XPR1: variants seen among roughly 807,000 people sequenced by gnomAD.
XPR1 encodes solute carrier family 53 member 1.
A neutral mutation model predicts 87.5 loss-of-function variants in XPR1; 28 were observed. The observed-to-expected ratio is 0.32, with a 90% CI of 0.24 to 0.44. The LOEUF is 0.44. Ranked by LOEUF, XPR1 falls within the 20% of genes least tolerant of loss-of-function variation. The pLI, the probability that XPR1 is intolerant of heterozygous loss-of-function variation, is 1.00. For synonymous variants in XPR1, 300 were observed against 306.1 expected, an observed-to-expected ratio of 0.98 and a Z score of 0.21; for missense variants, 559 against 862.3, an observed-to-expected ratio of 0.65 and a Z score of 4.41.
chr1:180,796,982 C>T (rs1171829665), intron 3 of XPR1, among the ~76,000 whole-genome samples: 2 of 152,084 alleles, frequency 1.3e-5, no homozygotes, highest in African/African-American at 4.8e-5. Flanking sequence ...AGACAGAATA[C>T]AGATCAGTGT....
intron 2 of XPR1, among the ~76,000 whole-genome samples, chr1:180,734,671 G>C (rs900079431): frequency 6.6e-6 from 1 of 152,198 alleles, no homozygotes; most frequent in Non-Finnish European, 1.5e-5. Flanking sequence ...CAGATCTTCA[G>C]TATGGCGTAT....
At chr1:180,847,407 A>G (rs1041750869) in intron 11 of XPR1, among the ~76,000 whole-genome samples, 1 of 152,218 alleles carries the variant, frequency 6.6e-6, no homozygotes, top group African/African-American at 2.4e-5. Flanking sequence ...CATCTTAGTG[A>G]AAGGCACGTT....
intron 9 of XPR1, among the ~76,000 whole-genome samples, chr1:180,832,692 T>A (rs1480328313): frequency 1.3e-5 from 2 of 152,182 alleles, no homozygotes; most frequent in African/African-American, 4.8e-5. Flanking sequence ...AAAGATCAAA[T>A]GGTTGTGGAC....
chr1:180,802,011 G>T (rs927651603), intron 3 of XPR1, among the ~76,000 whole-genome samples: 3 of 151,924 alleles, frequency 2.0e-5, no homozygotes, highest in African/African-American at 7.3e-5. Flanking sequence ...GGCCAGGCTG[G>T]TCTCGAAATC....
intron 2 of XPR1, among the ~76,000 whole-genome samples, chr1:180,746,605 C>T (rs1475904416): frequency 2.0e-5 from 3 of 151,998 alleles, no homozygotes; most frequent in Non-Finnish European, 4.4e-5. Context: ...GATATAATGA[C>T]TTCCTTTGGG....
In XPR1 at chr1:180,632,232, A is replaced by G; in HGVS notation, c.31A>G (p.Ile11Val). The G allele has an allele frequency of 6.2e-7, 1 of 1,612,060 alleles. No homozygotes were observed. The highest frequency in any genetic ancestry group is 1.1e-5 in the South Asian group (1 of 90,744). ...GTTCGCCGAGCACCTCTCCGCGCAC[A>G]TCACTCCCGAGTGGAGGAAGCAATA... MKFAEHLSAH[I>V]TPEWRKQYIQ... The change falls in exon 1 of 15, where the codon ATC becomes GTC. Residue 11 changes from isoleucine to valine, a missense_variant. By Grantham distance (29) the Ile-to-Val change is conservative (BLOSUM62 3). Around this residue, in one of 7 missense-constraint regions of XPR1, gnomAD observed 159 missense variants for 263.3 expected, o/e 0.60. Transcript: ENST00000367590.
At chr1:180,657,693 C>T (rs1053810070) in intron 1 of XPR1, among the ~76,000 whole-genome samples, 2 of 152,122 alleles carry the variant, frequency 1.3e-5, no homozygotes, top group Non-Finnish European at 1.5e-5. Flanking sequence ...GTCACTATAG[C>T]TCTGTAGTAT....
chr1:180,640,311 T>C (rs1488106098), intron 1 of XPR1, among the ~76,000 whole-genome samples: 2 of 152,200 alleles, frequency 1.3e-5, no homozygotes, highest in African/African-American at 4.8e-5. Flanking sequence ...GCGCTTACTG[T>C]ATCAGGCACT....
intron 3 of XPR1, among the ~76,000 whole-genome samples, chr1:180,791,146 A>G (rs999507614): frequency 6.6e-6 from 1 of 152,226 alleles, no homozygotes; most frequent in Non-Finnish European, 1.5e-5. Context: ...TTTTACTATG[A>G]CATTTTTTGA....
At chr1:180,733,835 A>G (rs946427442) in intron 2 of XPR1, among the ~76,000 whole-genome samples, 5 of 152,208 alleles carry the variant, frequency 3.3e-5, no homozygotes, top group Non-Finnish European at 2.9e-5. Context: ...CCAGAAAAAG[A>G]TGTTTTTGAG....
chr1:180,818,539 A>T (rs1558023447), intron 7 of XPR1, among the ~76,000 whole-genome samples: 1 of 152,182 alleles, frequency 6.6e-6, no homozygotes, highest in African/African-American at 2.4e-5. Context: ...GAAATTATGC[A>T]TGAAAAACAT....
At chr1:180,704,276 A>ATATATATATATATATATATATT (rs1557965447) in intron 2 of XPR1, among the ~76,000 whole-genome samples, 1 of 141,350 alleles carries the variant, frequency 7.1e-6, no homozygotes, top group South Asian at 2.2e-4. Context: ...ATATATATAT[A>ATATATATATATATATATATATT]TTATCAGATT....
intron 3 of XPR1, among the ~76,000 whole-genome samples, chr1:180,794,784 A>G (rs566785644): frequency 1.3e-4 from 20 of 152,354 alleles, no homozygotes; most frequent in African/African-American, 4.3e-4. Flanking sequence ...CAGTGGTGTT[A>G]AAGTACATGA....
chr1:180,695,408 T>TTGTGTGTGTGTGTGTGTGTGTG (rs1205037869), intron 2 of XPR1, among the ~76,000 whole-genome samples: 6 of 148,436 alleles, frequency 4.0e-5, no homozygotes, highest in Non-Finnish European at 8.9e-5. Context: ...GTAGTCCCAT[T>TTGTGTGTGTGTGTGTGTGTGTG]TGTGTGTGTG....
Position 180,710,820 on chromosome 1 carries a change from G to A in XPR1, c.121+28409G>A, listed in dbSNP as rs569296623. Among the ~76,000 whole-genome samples the A allele has an allele frequency of 1.5e-4, 22 of 150,116 alleles. No individual in the cohort carries two copies. The East Asian group carries it at 3.7e-3, about 25-fold the overall frequency. On this transcript the variant is annotated intron_variant, in intron 2 of 14. Coordinates refer to ENST00000367590, the MANE Select transcript of XPR1 (RefSeq NM_004736.4). ...CACCTCCCGGATGGGGCGGCTGGCT[G>A]GGCGGGGGCTGCCCCCCACCTCCCT...
intron 1 of XPR1, among the ~76,000 whole-genome samples, chr1:180,656,679 TTATA>T (rs1655542738): frequency 8.1e-6 from 1 of 123,438 alleles, no homozygotes. Flanking sequence ...TTATATATAA[TTATA>T]TAATATATAT....
intron 14 of XPR1, among the ~76,000 whole-genome samples, chr1:180,880,514 A>G (rs987009190): frequency 1.3e-5 from 2 of 152,250 alleles, no homozygotes; most frequent in African/African-American, 4.8e-5. Context: ...TGCATAACCT[A>G]GTAATTTGGC....
intron 2 of XPR1, among the ~76,000 whole-genome samples, chr1:180,683,714 C>T (rs1417336524): frequency 2.0e-5 from 3 of 152,070 alleles, no homozygotes; most frequent in Admixed American, 1.3e-4. Flanking sequence ...CTCTGATGGC[C>T]AGTGATGATG....
At chr1:180,639,922 C>A (rs1654913369) in intron 1 of XPR1, among the ~76,000 whole-genome samples, 2 of 152,176 alleles carry the variant, frequency 1.3e-5, no homozygotes, top group African/African-American at 4.8e-5. Flanking sequence ...GTTGGCTTCC[C>A]TGGATCTCAT....
Sources: allele counts gnomAD v4.1 joint callset (sites outside exome capture counted in the v4.1 genomes callset), GRCh38; gene constraint gnomAD v4.1.1; regional missense constraint gnomAD v4.1.1; transcripts MANE v1.5; gene names NCBI Gene and HGNC (gene_info 2026-07-23, HGNC 2026-07-21).